Variants in LRRC7 observed in about 807,000 individuals in gnomAD.
LRRC7 encodes the protein leucine rich repeat containing 7, also known as leucine-rich repeat-containing protein 7.
LRRC7 carries 23 observed loss-of-function variants against 175.7 expected under a neutral mutation model. The ratio of observed to expected loss-of-function variants is 0.13; its 90% CI spans 0.09 to 0.19. The LOEUF (loss-of-function observed/expected upper bound fraction) is 0.19, where lower values mean the gene tolerates loss of function less well. Ranked by LOEUF, LRRC7 falls within the 10% of genes least tolerant of loss-of-function variation. The pLI is 1.00. For missense variants in LRRC7, 1,354 were observed against 1,904.7 expected, an observed-to-expected ratio of 0.71 and a Z score of 5.38; for synonymous variants, 685 against 680.9, an observed-to-expected ratio of 1.01 and a Z score of -0.09.
In LRRC7 at chr1:70,125,791, CAAAAAAA is replaced by C. The variant is rs577047180; in HGVS notation, c.*3919_*3925del. Among the ~76,000 whole-genome samples the C allele has an allele frequency of 4.6e-5, 4 of 87,232 alleles. No individual in the cohort carries two copies. Among genetic ancestry groups the C allele is most frequent in the East Asian group, 3.3e-4 (1 of 3,048 alleles). The allele number at this position is 87,232 out of a possible 152,430, so 57.2% of individuals were successfully genotyped here. A position where few individuals can be genotyped will look rare whatever the true frequency, so the allele number is the denominator to read the frequency against. On this transcript the variant is annotated 3_prime_UTR_variant, in exon 27 of 27. Transcript: ENST00000651989. ...TGGGCGACAGAGCGAGACTCCGTCT[CAAAAAAA>C]AAAAAAAAAAAAAAGAGAAGATTCA...
At position 70,136,595 on chromosome 1, in the gene LRRC7, CA is replaced by C. The variant is rs1666882072; in HGVS notation, c.*14713del. Among the ~76,000 whole-genome samples, 1 of 151,276 alleles carries C rather than the reference CA, an allele frequency of 6.6e-6. No homozygotes were observed. The highest frequency in any genetic ancestry group is 6.6e-5 in the Admixed American group (1 of 15,168). ...AAACACAGTCTAGTGGGGAGACACA[CA>C]AAAAGTCTAATAAATGCTATCGTGT... On this transcript the variant is annotated 3_prime_UTR_variant, in exon 27 of 27. Transcript: ENST00000651989.
intron 25 of LRRC7, among the ~76,000 whole-genome samples, chr1:70,105,932 C>T (rs1665113507): frequency 6.6e-6 from 1 of 152,030 alleles, no homozygotes; most frequent in Non-Finnish European, 1.5e-5. Flanking sequence ...TCATAAACTT[C>T]TGAAAAGCCA....
chr1:70,136,220 T>C lies in LRRC7; in HGVS notation c.*14333T>C, dbSNP rs988340285. Among the ~76,000 whole-genome samples, 1 of 151,808 alleles carries C rather than the reference T, an allele frequency of 6.6e-6. No homozygotes were observed. The highest frequency in any genetic ancestry group is 1.5e-5 in the Non-Finnish European group (1 of 67,954). ...CATAAACTACTCAAAGTGAAGGGAC[T>C]ATATTTTCTTCTTTTGCTTGGTCTT... On this transcript the variant is annotated 3_prime_UTR_variant, in exon 27 of 27. Coordinates refer to ENST00000651989, the MANE Select transcript of LRRC7 (RefSeq NM_001370785.2).
intron 11 of LRRC7, among the ~76,000 whole-genome samples, chr1:69,997,326 T>A (rs959261794): frequency 1.3e-5 from 2 of 152,028 alleles, no homozygotes; most frequent in Non-Finnish European, 2.9e-5. Context: ...TTTCTAGATA[T>A]ACAATCATGT....
intron 1 of LRRC7, among the ~76,000 whole-genome samples, chr1:69,662,679 A>G (rs1327160430): frequency 2.6e-5 from 4 of 152,202 alleles, no homozygotes; most frequent in African/African-American, 4.8e-5. Flanking sequence ...TTAACTATCA[A>G]CTCAACATAG....
intron 10 of LRRC7, among the ~76,000 whole-genome samples, chr1:69,986,983 C>A (rs1653989770): frequency 6.6e-6 from 1 of 152,182 alleles, no homozygotes; most frequent in African/African-American, 2.4e-5. Flanking sequence ...GTGGCTCACA[C>A]CTGTTATCCC....
intron 25 of LRRC7, among the ~76,000 whole-genome samples, chr1:70,092,295 C>A (rs866506173): frequency 6.2e-4 from 94 of 152,114 alleles, no homozygotes; most frequent in African/African-American, 5.8e-4. Context: ...TGTTTAAGAT[C>A]AAAAAATACT....
chr1:69,708,068 C>T (rs1041264081), intron 2 of LRRC7, among the ~76,000 whole-genome samples: 1 of 152,142 alleles, frequency 6.6e-6, no homozygotes, highest in African/African-American at 2.4e-5. Context: ...CTTCACCAGT[C>T]CTTCTGCCTT....
rs541705654 is a variant in LRRC7 at position 69,762,329 on chromosome 1, T to C, written c.303+1936T>C. ...GTTACAAGAGAAATAAATCTCGATC[T>C]CTGCCCTTCCGGATCTGACAACCTA... On this transcript the variant is annotated intron_variant, in intron 3 of 26. Transcript: ENST00000651989. Among the ~76,000 whole-genome samples, 67 of 152,152 alleles carry C rather than the reference T, an allele frequency of 4.4e-4. 1 individual carries two copies. In the South Asian group the frequency reaches 0.013, roughly 31 times the overall value.
At chr1:70,029,513 C>T (rs1463875092) in intron 18 of LRRC7, among the ~76,000 whole-genome samples, 3 of 152,062 alleles carry the variant, frequency 2.0e-5, no homozygotes, top group African/African-American at 7.2e-5. Flanking sequence ...AATTAGCATT[C>T]ATTTTCATTG....
At chr1:69,645,029 C>A (rs966219616) in intron 1 of LRRC7, among the ~76,000 whole-genome samples, 1 of 151,990 alleles carries the variant, frequency 6.6e-6, no homozygotes, top group Non-Finnish European at 1.5e-5. Flanking sequence ...CTTAATTAAT[C>A]GAGTGCCTTC....
chr1:69,725,330 G>A (rs565471246), intron 2 of LRRC7, among the ~76,000 whole-genome samples: 2 of 152,042 alleles, frequency 1.3e-5, no homozygotes, highest in Admixed American at 1.3e-4. Context: ...CGTTTAAGTG[G>A]GCCCGTACAA....
intron 7 of LRRC7, among the ~76,000 whole-genome samples, chr1:69,925,134 G>A (rs1309285268): frequency 1.3e-5 from 2 of 152,048 alleles, no homozygotes; most frequent in Admixed American, 6.6e-5. Flanking sequence ...CTAGCCTTGG[G>A]TCCCAGGGAT....
intron 22 of LRRC7, 132 bp downstream of exon 22, chr1:70,044,226 A>C (rs1660153866): frequency 7.5e-6 from 6 of 804,682 alleles, no homozygotes; most frequent in Non-Finnish European, 1.1e-5. Flanking sequence ...GCACAAGGGC[A>C]AGTAATGTAG....
At chr1:69,694,490 G>A (rs1247884894) in intron 2 of LRRC7, among the ~76,000 whole-genome samples, 17 of 151,958 alleles carry the variant, frequency 1.1e-4, no homozygotes, top group Admixed American at 1.1e-3. Context: ...CTGTTTCTCA[G>A]CTTCTGTTAG....
In LRRC7 at chr1:69,781,938, A is replaced by AAGAAAGAAAGAGAGAG. The variant is rs748855273; in HGVS notation, c.304-10102_304-10101insAAGAAAGAGAGAGAGA. 9.8e-5 allele frequency among the ~76,000 whole-genome samples: 12 copies of AAGAAAGAAAGAGAGAG among 122,964 alleles called. 1 individual carries two copies. The highest frequency in any genetic ancestry group is 3.8e-4 in the African/African-American group (11 of 28,964). 80.7% of individuals were successfully genotyped at this position (122,964 alleles called of 152,430 possible). ...GAAGAAAGAAAGAAAGAAAGAAAGAAAGAGAAAAGAAAAGAAAGAAAGAAA... is the reference window on the plus strand; with the variant it reads ...GAAGAAAGAAAGAAAGAAAGAAAGAAAGAAAGAAAGAGAGAGAGAGAAAAGAAAAGAAAGAAAGAAA... On this transcript the variant is annotated intron_variant, in intron 3 of 26. Coordinates refer to ENST00000651989, the MANE Select transcript of LRRC7 (RefSeq NM_001370785.2).
intron 7 of LRRC7, among the ~76,000 whole-genome samples, chr1:69,906,043 G>C (rs1159044773): frequency 6.6e-6 from 1 of 152,242 alleles, no homozygotes; most frequent in African/African-American, 2.4e-5. Flanking sequence ...TTTTTTGGCT[G>C]CATAAATGTC....
At chr1:69,728,074 T>G (rs1312724420) in intron 2 of LRRC7, among the ~76,000 whole-genome samples, 2 of 152,168 alleles carry the variant, frequency 1.3e-5, no homozygotes, top group Non-Finnish European at 2.9e-5. Flanking sequence ...ACTGGCAGTT[T>G]TATTACTTTT....
intron 7 of LRRC7, among the ~76,000 whole-genome samples, chr1:69,899,805 G>A (rs111830370): frequency 0.011 from 1,699 of 152,210 alleles, 14 homozygotes; most frequent in Non-Finnish European, 0.015. Context: ...CTCTTCGGCC[G>A]TATGAGGACT....
Sources: gnomAD v4.1 joint callset for allele counts (sites outside exome capture counted in the v4.1 genomes callset) on GRCh38, gnomAD v4.1.1 for gene constraint, MANE v1.5 for transcripts, NCBI Gene and HGNC (gene_info 2026-07-23, HGNC 2026-07-21) for gene names.